Variants in ABCC10 observed in about 807,000 individuals in gnomAD.
ABCC10 encodes ATP-binding cassette sub-family C member 10.
In ABCC10, 110 loss-of-function variants were observed where a neutral mutation model predicts 143.2. The ratio of observed to expected loss-of-function variants is 0.77; its 90% CI spans 0.66 to 0.90. The LOEUF (loss-of-function observed/expected upper bound fraction) is 0.90, where lower values mean the gene tolerates loss of function less well. Among genes scored for constraint, ABCC10 ranks in the 40% least tolerant of loss-of-function variants. The pLI, the probability that ABCC10 is intolerant of heterozygous loss-of-function variation, is 0.00. For synonymous variants in ABCC10, 805 were observed against 846.7 expected (o/e 0.95, Z 0.85); for missense variants, 1,700 against 1,900.5 (o/e 0.89, Z 1.96).
chr6:43,450,428 G>A, downstream of ABCC10: 1 of 1,226,778 alleles, frequency 8.2e-7, no homozygotes, highest in South Asian at 1.7e-5. The surrounding 1 kb of genome is among the most constrained non-coding windows in gnomAD (Gnocchi z 4.5). Context: ...TCTGGTGTGA[G>A]GCTGAGGTCT....
Position 43,432,598 on chromosome 6 carries a change from C to A in ABCC10, c.618C>A (p.Pro206=). Residue 206 remains proline (P), a synonymous_variant, in exon 3 of 22, where the codon CCC becomes CCA. Coordinates refer to ENST00000372530, the MANE Select transcript of ABCC10 (RefSeq NM_001198934.2). ...REPWAQEPLL[P]EDQEPEVAED... ...CCTGGGCTCAGGAGCCCCTCCTGCC[C>A]GAGGATCAAGAACCTGAGGTGGCTG... 1 of 1,613,822 alleles carries A rather than the reference C, an allele frequency of 6.2e-7. No homozygotes were observed.
chr6:43,440,543 G>C (rs1782284853), intron 8 of ABCC10, among the ~76,000 whole-genome samples: 1 of 151,860 alleles, frequency 6.6e-6, no homozygotes, highest in Non-Finnish European at 1.5e-5. Flanking sequence ...AGGGTGGATC[G>C]CTTGAGGTCA....
In ABCC10 at chr6:43,445,866, C is replaced by G. The variant is rs766690202; in HGVS notation, c.3298C>G (p.Leu1100Val). Residue 1100 changes from leucine (L) to valine (V), a missense_variant, in exon 15 of 22, where the codon CTG becomes GTG. Transcript: ENST00000372530. ...GCTGCGGCGCCTGGGCAGCCTCACCCTGTCTCCACTGTATAGCCATCTGGC... is the reference window on the plus strand; with the variant it reads ...GCTGCGGCGCCTGGGCAGCCTCACCGTGTCTCCACTGTATAGCCATCTGGC... ...RELRRLGSLT[L>V]SPLYSHLADT... The G allele has an allele frequency of 3.8e-5, 61 of 1,614,036 alleles. No homozygotes were observed. Among genetic ancestry groups the G allele is most frequent in the Non-Finnish European group, 4.9e-5 (58 of 1,180,050 alleles).
At chr6:43,446,134 T>C in intron 15 of ABCC10, 143 bp from the exon 16 acceptor site, 2 of 1,157,486 alleles carry the variant, frequency 1.7e-6, no homozygotes, top group Non-Finnish European at 2.4e-6. Flanking sequence ...CACTGGCATC[T>C]GCAGCCCTGA....
intron 9 of ABCC10, 109 bp from the exon 10 acceptor site, chr6:43,442,861 G>A (rs1032111149): frequency 9.9e-7 from 1 of 1,009,494 alleles, no homozygotes. Context: ...CTCTGCTAGT[G>A]TAGGGGTAGC....
Position 43,444,828 on chromosome 6 carries a change from C to T in ABCC10, c.2730C>T (p.Ile910=), listed in dbSNP as rs1244157584. The T allele has an allele frequency of 6.2e-7, 1 of 1,612,462 alleles. No individual in the cohort carries two copies. Among genetic ancestry groups the T allele is most frequent in the Non-Finnish European group, 8.5e-7 (1 of 1,179,234 alleles). ...CTGACTGGTGGCTCTCCCACTGGAT[C>T]TCTCAGCTGAAGGCTGAGAATAGCT... ...NAADWWLSHW[I]SQLKAENSSQ... Residue 910 remains isoleucine, a synonymous_variant, in exon 13 of 22, where the codon ATC becomes ATT. Coordinates refer to ENST00000372530, the MANE Select transcript of ABCC10 (RefSeq NM_001198934.2).
chr6:43,447,753 CT>C lies in ABCC10; in HGVS notation c.3776del (p.Leu1259ArgfsTer8). Reference sequence around the variant, plus strand: ...CGTGGTGTTGGCGTACCGGCCAGGGCTGCCGAATGCCCTGGATGGAGTGACC... The same window carrying C: ...CGTGGTGTTGGCGTACCGGCCAGGGCGCCGAATGCCCTGGATGGAGTGACC... ...QDVVLAYRPG[L>X]PNALDGVTFC... On this transcript the variant is annotated frameshift_variant, in exon 18 of 22. Transcript: ENST00000372530. LOFTEE classifies it high-confidence loss of function. 1 of 1,613,924 alleles carries C rather than the reference CT, an allele frequency of 6.2e-7. No individual in the cohort carries two copies. The highest frequency in any genetic ancestry group is 8.5e-7 in the Non-Finnish European group (1 of 1,179,968).
intron 21 of ABCC10, among the ~76,000 whole-genome samples, 165 bp downstream of exon 21, chr6:43,449,699 TAGGGCCCTTTATAGCACATTATCTG>T (rs1311138124): frequency 6.6e-5 from 10 of 150,912 alleles, no homozygotes; most frequent in African/African-American, 2.5e-4. Context: ...TAGCACTGCC[TAGGGCCCTTTATAGCACATTATCTG>T]AGGGCCCTTT....
At chr6:43,447,112 C>T in intron 16 of ABCC10, 136 bp from the exon 17 acceptor site, 1 of 1,204,068 alleles carries the variant, frequency 8.3e-7, no homozygotes, top group Non-Finnish European at 1.2e-6. Context: ...TCCCAAAGTG[C>T]TGGAATTACA....
At chr6:43,451,513 G>T (rs907780336), downstream of ABCC10, among the ~76,000 whole-genome samples, 4 of 152,168 alleles carry the variant, frequency 2.6e-5, no homozygotes, top group Non-Finnish European at 5.9e-5. The surrounding 1 kb of genome is among the most constrained non-coding windows in gnomAD (Gnocchi z 4.4). Flanking sequence ...AGGGCTCAGG[G>T]TAAGTGTGCT....
At chr6:43,450,514 G>T, downstream of ABCC10, 3 of 1,527,142 alleles carry the variant, frequency 2.0e-6, no homozygotes, top group Non-Finnish European at 2.6e-6. The surrounding 1 kb of genome is among the most constrained non-coding windows in gnomAD (Gnocchi z 4.5). Flanking sequence ...AGGTGAGGAA[G>T]GGGGCCAGAA....
downstream of ABCC10, chr6:43,451,226 A>G: frequency 6.2e-7 from 1 of 1,614,152 alleles, no homozygotes; most frequent in South Asian, 1.1e-5. The surrounding 1 kb of genome is among the most constrained non-coding windows in gnomAD (Gnocchi z 4.4). Flanking sequence ...TGAAGTTGAG[A>G]GCAAAGCCCT....
chr6:43,447,526 GATGACCACA>G, intron 17 of ABCC10, 118 bp downstream of exon 17: 4 of 1,553,066 alleles, frequency 2.6e-6, no homozygotes, highest in Non-Finnish European at 3.5e-6. Flanking sequence ...CTCTCTTCAT[GATGACCACA>G]ATTCTTCACC....
chr6:43,446,424 C>T lies in ABCC10; in HGVS notation c.3522C>T (p.His1174=), dbSNP rs1398169935. The T allele has an allele frequency of 6.2e-7, 1 of 1,611,790 alleles. No individual in the cohort carries two copies. Among genetic ancestry groups the T allele is most frequent in the Admixed American group, 1.7e-5 (1 of 59,988 alleles). ...SAIAGIALVQ[H]QQGLANPGLV... is the part of the protein sequence containing the mutation. ...TCGCAGGCATCGCTCTGGTGCAGCACCAGCAGGGCCTCGCTAACCCAGGTG... is the reference window on the plus strand; with the variant it reads ...TCGCAGGCATCGCTCTGGTGCAGCATCAGCAGGGCCTCGCTAACCCAGGTG... The change falls in exon 16 of 22, where the codon CAC becomes CAT. Residue 1174 remains histidine, a synonymous_variant. Coordinates refer to ENST00000372530, the MANE Select transcript of ABCC10 (RefSeq NM_001198934.2).
chr6:43,438,926 G>A (rs1477270757), intron 8 of ABCC10, 131 bp downstream of exon 8: 17 of 1,125,000 alleles, frequency 1.5e-5, no homozygotes, highest in Admixed American at 4.7e-5. Flanking sequence ...AATGGCCATC[G>A]GACTGTGGTC....
chr6:43,451,937 C>T (rs1251013803), downstream of ABCC10: 4 of 1,613,894 alleles, frequency 2.5e-6, no homozygotes, highest in Admixed American at 3.3e-5. The surrounding 1 kb of genome is among the most constrained non-coding windows in gnomAD (Gnocchi z 4.4). Flanking sequence ...GCCCAGCACT[C>T]ACCCTGCCTG....
Position 43,447,282 on chromosome 6 carries a change from C to G in ABCC10, c.3579C>G (p.Ser1193=). ...GCTTGTCGCTGTCTTATGCCCTGTCCCTGACGGGCCTGCTCTCGGGCCTGG... is the reference window on the plus strand; with the variant it reads ...GCTTGTCGCTGTCTTATGCCCTGTCGCTGACGGGCCTGCTCTCGGGCCTGG... The part of the protein sequence containing the change: ...LVGLSLSYAL[S]LTGLLSGLVS... The change falls in exon 17 of 22, where the codon TCC becomes TCG. Residue 1193 remains serine (S), a synonymous_variant. Transcript: ENST00000372530. The G allele has an allele frequency of 6.2e-7, 1 of 1,613,816 alleles. No homozygotes were observed. The highest frequency in any genetic ancestry group is 8.5e-7 in the Non-Finnish European group (1 of 1,180,014).
rs1460722960 is a variant in ABCC10, at chr6:43,435,766, G to A, written c.1624G>A (p.Ala542Thr). Residue 542 changes from alanine to threonine, a missense_variant, in exon 5 of 22, where the codon GCA becomes ACA. Coordinates refer to ENST00000372530, the MANE Select transcript of ABCC10 (RefSeq NM_001198934.2). ...CCTCACTCAGGTGTTCACGGCCCTG[G>A]CACTGGTGCGAATGCTCATTCTTCC... ...LTATKVFTALALVRMLILPLN... is the reference protein window; with the variant it reads ...LTATKVFTALTLVRMLILPLN... 1 of 1,614,070 alleles carries A rather than the reference G, an allele frequency of 6.2e-7. No individual in the cohort carries two copies. The highest frequency in any genetic ancestry group is 8.5e-7 in the Non-Finnish European group (1 of 1,180,032).
chr6:43,429,593 G>A (rs1462101509), intron 2 of ABCC10, among the ~76,000 whole-genome samples: 1 of 152,006 alleles, frequency 6.6e-6, no homozygotes, highest in African/African-American at 2.4e-5. Context: ...CACCACACCT[G>A]GCTAATTTTT....
Sources: allele counts gnomAD v4.1 joint callset (sites outside exome capture counted in the v4.1 genomes callset), GRCh38; gene constraint gnomAD v4.1.1; non-coding constraint Gnocchi (gnomAD v3.1); transcripts MANE v1.5; gene names NCBI Gene and HGNC (gene_info 2026-07-23, HGNC 2026-07-21).